The following TDRP variants were observed in gnomAD, a reference collection of about 807,000 sequenced individuals.
The protein encoded by TDRP is testis development-related protein.
Under a neutral mutation model 10.5 loss-of-function variants are expected in TDRP, and 12 were observed. That is an observed-to-expected ratio of 1.15 (90% CI 0.73 to 1.86). TDRP has a LOEUF of 1.86. Among genes scored for constraint, TDRP ranks in the 40% most tolerant of loss-of-function variants. TDRP has a pLI of 0.00. For missense variants in TDRP, 353 were observed against 229.2 expected (o/e 1.54, Z -3.49); for synonymous variants, 139 against 95.4 (o/e 1.46, Z -2.67).
At chr8:508,577 G>A (rs533958592) in intron 1 of TDRP, among the ~76,000 whole-genome samples, 19 of 152,178 alleles carry the variant, frequency 1.2e-4, no homozygotes, top group South Asian at 4.2e-4. Context: ...AATAGCATGC[G>A]GGAAACCACC....
At chr8:515,835 T>G (rs951549657) in intron 1 of TDRP, among the ~76,000 whole-genome samples, 1 of 152,166 alleles carries the variant, frequency 6.6e-6, no homozygotes, top group Non-Finnish European at 1.5e-5. Flanking sequence ...TATAATTACT[T>G]TTAGACAATG....
intron 1 of TDRP, among the ~76,000 whole-genome samples, chr8:532,961 G>C (rs1802246381): frequency 6.6e-6 from 1 of 152,160 alleles, no homozygotes; most frequent in African/African-American, 2.4e-5. Context: ...TACAGTAAAA[G>C]TTTGCTGACT....
intron 1 of TDRP, among the ~76,000 whole-genome samples, chr8:521,916 T>G (rs1801915746): frequency 6.6e-6 from 1 of 152,216 alleles, no homozygotes; most frequent in Admixed American, 6.5e-5. Context: ...TTTTATATTT[T>G]TTCAGTCTTT....
At chr8:545,412 C>A (rs546617135), upstream of TDRP, among the ~76,000 whole-genome samples, 18 of 143,496 alleles carry the variant, frequency 1.3e-4, no homozygotes, top group African/African-American at 3.6e-4. Context: ...CTCTCCTTCT[C>A]CCCCGCCGAC....
At chr8:501,062 G>A (rs1041860782) in intron 1 of TDRP, among the ~76,000 whole-genome samples, 47 of 152,036 alleles carry the variant, frequency 3.1e-4, no homozygotes, top group East Asian at 8.0e-4. Flanking sequence ...AAAATTAGCC[G>A]GGCGTGATGG....
chr8:495,603 C>T lies in TDRP; in HGVS notation c.109-1006G>A, dbSNP rs182097620. ...CTTCATATTCACTGATTAACATTTC[C>T]CAGGGTTCATCATCACATTGCTAGG... On this transcript the variant is annotated intron_variant, in intron 1 of 2. Transcript: ENST00000324079. 2.7e-3 allele frequency among the ~76,000 whole-genome samples: 409 copies of T among 152,298 alleles called. 3 individuals carry two copies. Among genetic ancestry groups the T allele is most frequent in the African/African-American group, 9.5e-3 (394 of 41,568 alleles).
intron 1 of TDRP, among the ~76,000 whole-genome samples, chr8:525,866 G>A (rs1037677881): frequency 6.6e-6 from 1 of 152,128 alleles, no homozygotes; most frequent in Non-Finnish European, 1.5e-5. Context: ...CAATCAGTTT[G>A]AGTACAATTG....
intron 2 of TDRP, among the ~76,000 whole-genome samples, chr8:494,228 T>C (rs1004433448): frequency 2.6e-5 from 4 of 152,144 alleles, no homozygotes; most frequent in African/African-American, 7.2e-5. Context: ...CCCAAAGTGC[T>C]GGGATTACAG....
rs1258616744 is a variant in TDRP, at chr8:490,812, T to G, written c.*1587A>C. The G allele has an allele frequency of 2.0e-5, 3 of 152,152 alleles. No individual in the cohort carries two copies. Among genetic ancestry groups the G allele is most frequent in the African/African-American group, 7.2e-5 (3 of 41,426 alleles). 9.4% of individuals were successfully genotyped at this position (152,152 alleles called of 1,614,324 possible). A position where few individuals can be genotyped will look rare whatever the true frequency, so the allele number is the denominator to read the frequency against. On this transcript the variant is annotated 3_prime_UTR_variant, in exon 3 of 3. Transcript: ENST00000324079. ...TTCAAGGTTCTAATACAAGCTGGAA[T>G]TTTTGTTTGAACACCAATTGAAACA...
chr8:529,121 T>C (rs1802114328), intron 1 of TDRP, among the ~76,000 whole-genome samples: 1 of 152,106 alleles, frequency 6.6e-6, no homozygotes, highest in Non-Finnish European at 1.5e-5. Context: ...CCACTCAGAT[T>C]GGCGGTGGGT....
At chr8:510,845 C>A (rs572154441) in intron 1 of TDRP, among the ~76,000 whole-genome samples, 1 of 152,142 alleles carries the variant, frequency 6.6e-6, no homozygotes, top group Non-Finnish European at 1.5e-5. Flanking sequence ...AGTACAGATA[C>A]ATTCTTATTT....
At chr8:530,006 G>A (rs1802145517) in intron 1 of TDRP, among the ~76,000 whole-genome samples, 1 of 151,780 alleles carries the variant, frequency 6.6e-6, no homozygotes, top group Non-Finnish European at 1.5e-5. Flanking sequence ...TCTACAATAT[G>A]TATATTGGTC....
chr8:508,221 A>G (rs1309568429), intron 1 of TDRP, among the ~76,000 whole-genome samples: 1 of 152,260 alleles, frequency 6.6e-6, no homozygotes, highest in Non-Finnish European at 1.5e-5. Context: ...AGTATAATAC[A>G]TGAAATAAAA....
At chr8:493,085 G>A (rs747707210) in intron 2 of TDRP, among the ~76,000 whole-genome samples, 1 of 152,162 alleles carries the variant, frequency 6.6e-6, no homozygotes, top group East Asian at 1.9e-4. Flanking sequence ...AGAATCCAGG[G>A]TCTAGATTAA....
chr8:541,119 ATTCTAATTTAATTC>A (rs1802485156), intron 1 of TDRP, among the ~76,000 whole-genome samples: 2 of 152,264 alleles, frequency 1.3e-5, no homozygotes, highest in Non-Finnish European at 2.9e-5. Context: ...TCAAAATTTA[ATTCTAATTTAATTC>A]TAACATCTTA....
intron 1 of TDRP, among the ~76,000 whole-genome samples, chr8:495,883 A>C (rs1342412592): frequency 6.6e-6 from 1 of 152,180 alleles, no homozygotes; most frequent in African/African-American, 2.4e-5. Flanking sequence ...CCTGAAAACT[A>C]ACCAGGGACT....
intron 1 of TDRP, among the ~76,000 whole-genome samples, chr8:505,922 G>C (rs1216924664): frequency 6.6e-6 from 1 of 152,134 alleles, no homozygotes; most frequent in Admixed American, 6.5e-5. Flanking sequence ...CAACTTGCTA[G>C]CTTCACCCAG....
intron 1 of TDRP, among the ~76,000 whole-genome samples, chr8:499,448 T>A (rs963248437): frequency 6.6e-6 from 1 of 152,180 alleles, no homozygotes; most frequent in Admixed American, 6.5e-5. Flanking sequence ...CCTGGGTGGC[T>A]GCTGCACATC....
chr8:515,549 T>C (rs1399693367), intron 1 of TDRP, among the ~76,000 whole-genome samples: 2 of 152,174 alleles, frequency 1.3e-5, no homozygotes, highest in Non-Finnish European at 2.9e-5. Flanking sequence ...ATTCAAAAAG[T>C]TTTGAATTTT....
Sources: allele counts gnomAD v4.1 joint callset (sites outside exome capture counted in the v4.1 genomes callset), GRCh38; gene constraint gnomAD v4.1.1; transcripts MANE v1.5; gene names NCBI Gene and HGNC (gene_info 2026-07-23, HGNC 2026-07-21).